The following NPAS3 variants were observed in gnomAD, a reference collection of about 807,000 sequenced individuals.
NPAS3 encodes the protein neuronal PAS domain protein 3, also known as neuronal PAS domain-containing protein 3.
Under a neutral mutation model 73.1 loss-of-function variants are expected in NPAS3, and 14 were observed. The ratio of observed to expected loss-of-function variants is 0.19; its 90% confidence interval spans 0.13 to 0.30. The LOEUF (loss-of-function observed/expected upper bound fraction) is 0.30. Ranked by LOEUF, NPAS3 falls within the 10% of genes least tolerant of loss-of-function variation. NPAS3 has a pLI of 1.00. For synonymous variants in NPAS3, 620 were observed against 541.5 expected, an observed-to-expected ratio of 1.14 and a Z score of -2.01; for missense variants, 1,096 against 1,250.0, an observed-to-expected ratio of 0.88 and a Z score of 1.86.
intron 4 of NPAS3, among the ~76,000 whole-genome samples, chr14:33,510,116 G>A (rs193296849): frequency 1.2e-4 from 18 of 152,174 alleles, no homozygotes; most frequent in African/African-American, 3.1e-4. Flanking sequence ...TTTCCAGTGC[G>A]AGCTGGAGCA....
intron 1 of NPAS3, among the ~76,000 whole-genome samples, chr14:33,035,700 A>C (rs1257175383): frequency 6.6e-6 from 1 of 152,158 alleles, no homozygotes; most frequent in Non-Finnish European, 1.5e-5. Context: ...ATATTTTGGA[A>C]CTGTCTAGTC....
chr14:33,428,055 A>G (rs937281913), intron 4 of NPAS3, among the ~76,000 whole-genome samples: 4 of 152,146 alleles, frequency 2.6e-5, no homozygotes, highest in African/African-American at 4.8e-5. Context: ...TGAAGAATCT[A>G]TAGGCTCAAC....
intron 4 of NPAS3, among the ~76,000 whole-genome samples, chr14:33,550,976 A>C (rs2055083542): frequency 6.6e-6 from 1 of 152,190 alleles, no homozygotes; most frequent in Non-Finnish European, 1.5e-5. Context: ...AGCCCATCAT[A>C]TTTATAGCTG....
At chr14:33,278,839 C>T (rs1368374366) in intron 3 of NPAS3, among the ~76,000 whole-genome samples, 1 of 152,098 alleles carries the variant, frequency 6.6e-6, no homozygotes, top group East Asian at 1.9e-4. Context: ...TTAAGAAGCT[C>T]TACGTAAAAT....
At chr14:33,027,511 T>C (rs1315188651) in intron 1 of NPAS3, among the ~76,000 whole-genome samples, 1 of 152,186 alleles carries the variant, frequency 6.6e-6, no homozygotes, top group African/African-American at 2.4e-5. Context: ...TAAGTTGGTA[T>C]TTCTGTCTCT....
chr14:33,401,598 T>G (rs963636379), intron 4 of NPAS3, among the ~76,000 whole-genome samples: 3 of 152,104 alleles, frequency 2.0e-5, no homozygotes, highest in Admixed American at 6.6e-5. Flanking sequence ...AGTATAATAA[T>G]TGGACCTCAT....
At chr14:33,614,212 G>A (rs2057842882) in intron 5 of NPAS3, among the ~76,000 whole-genome samples, 1 of 152,136 alleles carries the variant, frequency 6.6e-6, no homozygotes, top group Non-Finnish European at 1.5e-5. Context: ...TTGATTGAAG[G>A]GTAGTTGTTA....
chr14:33,780,771 A>G (rs904909606), intron 9 of NPAS3: 6 of 378,404 alleles, frequency 1.6e-5, no homozygotes, highest in African/African-American at 1.3e-4. Context: ...GAATAATTTG[A>G]GAGTGCTGAA....
chr14:33,622,724 A>G (rs2058111438), intron 5 of NPAS3, among the ~76,000 whole-genome samples: 1 of 152,184 alleles, frequency 6.6e-6, no homozygotes, highest in Admixed American at 6.5e-5. Context: ...CGATTATACA[A>G]ACTTCATCAA....
chr14:32,938,218 C>A (rs914122908), upstream of NPAS3, among the ~76,000 whole-genome samples: 1 of 152,070 alleles, frequency 6.6e-6, no homozygotes, highest in Non-Finnish European at 1.5e-5. Context: ...GCACCGCCCA[C>A]GGGGCTCTTG....
intron 5 of NPAS3, among the ~76,000 whole-genome samples, chr14:33,616,154 A>C (rs752710051): frequency 3.9e-5 from 6 of 152,202 alleles, no homozygotes; most frequent in Non-Finnish European, 8.8e-5. Context: ...TAAGCCTGCC[A>C]ACTCTGGGGC....
intron 3 of NPAS3, among the ~76,000 whole-genome samples, chr14:33,339,214 T>C (rs530679312): frequency 6.6e-6 from 1 of 152,330 alleles, no homozygotes; most frequent in South Asian, 2.1e-4. Flanking sequence ...AATCTAAATA[T>C]AGCACATGAT....
intron 3 of NPAS3, among the ~76,000 whole-genome samples, chr14:33,335,366 T>C (rs117485776): frequency 0.021 from 3,144 of 152,242 alleles, 49 homozygotes; most frequent in South Asian, 0.055. Context: ...TGAGAGTGTC[T>C]CTTGGTAGTA....
rs72674124 is a variant in NPAS3 at position 32,945,957 on chromosome 14, C to T, written c.50+6591C>T. 4.5e-3 allele frequency among the ~76,000 whole-genome samples: 680 copies of T among 152,286 alleles called. 10 individuals carry two copies. Among genetic ancestry groups the T allele is most frequent in the Non-Finnish European group, 5.7e-3 (391 of 68,026 alleles). ...GAAGTTCTCAAGGCCCTCTTCTGCT[C>T]ATATAATTCATGGCTCAGAGTGTGC... On this transcript the variant is annotated intron_variant, in intron 1 of 11. Coordinates refer to ENST00000356141, the Ensembl canonical transcript of NPAS3.
downstream of NPAS3, chr14:33,801,244 AC>A (rs2063709321): frequency 1.4e-6 from 2 of 1,445,338 alleles, no homozygotes; most frequent in Admixed American, 2.8e-5. Context: ...TCCCCATTCC[AC>A]CCCCTCTTTC....
intron 2 of NPAS3, among the ~76,000 whole-genome samples, chr14:33,193,877 T>C (rs2046255378): frequency 6.6e-6 from 1 of 152,216 alleles, no homozygotes; most frequent in African/African-American, 2.4e-5. Flanking sequence ...TCATTTCTTT[T>C]GATATCACTT....
chr14:33,647,845 A>G (rs1231479703), intron 5 of NPAS3, among the ~76,000 whole-genome samples: 2 of 152,136 alleles, frequency 1.3e-5, no homozygotes, highest in African/African-American at 4.8e-5. Context: ...TAGAGCTCAT[A>G]TACTCAGATA....
intron 4 of NPAS3, among the ~76,000 whole-genome samples, chr14:33,461,761 C>T (rs933193634): frequency 2.6e-5 from 4 of 152,184 alleles, no homozygotes; most frequent in African/African-American, 7.2e-5. Flanking sequence ...TAAGCAACCC[C>T]GAAGAGGAAG....
chr14:33,009,828 C>T (rs2039128122), intron 1 of NPAS3, among the ~76,000 whole-genome samples: 1 of 152,014 alleles, frequency 6.6e-6, no homozygotes, highest in Non-Finnish European at 1.5e-5. Flanking sequence ...ACTCCAGAGC[C>T]CCAAACCTCC....
Sources: allele counts gnomAD v4.1 joint callset (sites outside exome capture counted in the v4.1 genomes callset), GRCh38; gene constraint gnomAD v4.1.1; transcripts MANE v1.5; gene names NCBI Gene and HGNC (gene_info 2026-07-23, HGNC 2026-07-21).